Variants in CA13 observed in about 807,000 individuals in gnomAD.
CA13 encodes the protein carbonic anhydrase 13.
Under a neutral mutation model 31.5 loss-of-function variants are expected in CA13, and 21 were observed. The ratio of observed to expected loss-of-function variants is 0.67; its 90% CI spans 0.47 to 0.96. CA13 has a LOEUF of 0.96. CA13 is among the 40% of genes least tolerant of loss of function. CA13 has a pLI of 0.00. For synonymous variants in CA13, 117 were observed against 111.4 expected (o/e 1.05, Z -0.32); for missense variants, 315 against 318.9 (o/e 0.99, Z 0.09).
chr8:85,282,134 A>G lies in CA13; in HGVS notation c.*785A>G, dbSNP rs1042318589. 4 of 152,216 alleles carry G rather than the reference A, an allele frequency of 2.6e-5. No individual in the cohort carries two copies. The highest frequency in any genetic ancestry group is 9.6e-5 in the African/African-American group (4 of 41,464). The allele number at this position is 152,216 out of a possible 1,614,324, so 9.4% of individuals were successfully genotyped here. On this transcript the variant is annotated 3_prime_UTR_variant, in exon 7 of 7. Coordinates refer to ENST00000321764, the MANE Select transcript of CA13 (RefSeq NM_198584.3). ...TAAAAAGTAGATTACGTTTTCCTAT[A>G]AGGATAATTTTTGCAGTGATTATAT... is the stretch of plus-strand genomic sequence containing the variant.
At chr8:85,278,265 C>CA (rs1012685036) in intron 6 of CA13, among the ~76,000 whole-genome samples, 47,385 of 76,712 alleles carry the variant, frequency 0.62, 14,354 homozygotes, top group Non-Finnish European at 0.67. Context: ...GACTCTATCT[C>CA]AAAAAAAAAA....
At chr8:85,280,048 G>GA (rs1194982548) in intron 6 of CA13, among the ~76,000 whole-genome samples, 1 of 152,138 alleles carries the variant, frequency 6.6e-6, no homozygotes, top group Middle Eastern at 3.2e-3. Flanking sequence ...TTAGGAGGCT[G>GA]AGGAGGGCGG....
Position 85,268,601 on chromosome 8 carries a change from C to A in CA13, c.643C>A (p.Gln215Lys), listed in dbSNP as rs764271736. The change falls in exon 6 of 7, where the codon CAA becomes AAA. Residue 215 changes from glutamine to lysine, a missense_variant. By Grantham distance (53) the Gln-to-Lys change is moderately conservative (BLOSUM62 1). Coordinates refer to ENST00000321764, the MANE Select transcript of CA13 (RefSeq NM_198584.3). Reference sequence around the variant, plus strand: ...GAGTGTCACATGGATTGTTTTAAAGCAACCTATAAACATCAGCTCTCAACA... The same window carrying A: ...GAGTGTCACATGGATTGTTTTAAAGAAACCTATAAACATCAGCTCTCAACA... Reference protein sequence around the residue: ...LESVTWIVLKQPINISSQQLA... With the variant: ...LESVTWIVLKKPINISSQQLA... The A allele has an allele frequency of 6.2e-7, 1 of 1,613,490 alleles. No homozygotes were observed. The highest frequency in any genetic ancestry group is 8.5e-7 in the Non-Finnish European group (1 of 1,179,736).
chr8:85,256,869 G>C (rs1807306033), intron 2 of CA13, among the ~76,000 whole-genome samples: 5 of 152,152 alleles, frequency 3.3e-5, no homozygotes, highest in Non-Finnish European at 1.5e-5. Context: ...AAATAAGCCA[G>C]ATTTAATGAA....
intron 2 of CA13, among the ~76,000 whole-genome samples, chr8:85,254,785 T>G (rs1807261437): frequency 6.6e-6 from 1 of 151,230 alleles, no homozygotes; most frequent in African/African-American, 2.4e-5. Context: ...TTTTTTTTTT[T>G]TTTGGTTTTG....
chr8:85,258,022 T>C (rs1807325216), intron 2 of CA13, among the ~76,000 whole-genome samples: 1 of 148,148 alleles, frequency 6.8e-6, no homozygotes, highest in South Asian at 2.1e-4. Context: ...ATTAAATTTA[T>C]ATAAATATAA....
chr8:85,268,677 C>CTTTTT, intron 6 of CA13, 50 bp downstream of exon 6: 1 of 974,596 alleles, frequency 1.0e-6, no homozygotes, highest in Non-Finnish European at 1.4e-6. Flanking sequence ...GGAAACTGGG[C>CTTTTT]TTTTTTTTTT....
chr8:85,268,635 A>C lies in CA13; in HGVS notation c.669+8A>C, dbSNP rs1207992368. 1 of 1,610,006 alleles carries C rather than the reference A, an allele frequency of 6.2e-7. No homozygotes were observed. Among genetic ancestry groups the C allele is most frequent in the South Asian group, 1.1e-5 (1 of 90,792 alleles). On this transcript the variant is annotated splice_region_variant and intron_variant, in intron 6 of 6. Coordinates refer to ENST00000321764, the MANE Select transcript of CA13 (RefSeq NM_198584.3). ...AACATCAGCTCTCAACAGGTACATA[A>C]TCTCTTCCAGGTTGATACTGATTCC...
At chr8:85,259,564 T>A in intron 3 of CA13, 25 bp downstream of exon 3, 1 of 1,573,844 alleles carries the variant, frequency 6.4e-7, no homozygotes, top group Non-Finnish European at 8.7e-7. Context: ...ATATCTGTGA[T>A]TCACAGTTTT....
intron 6 of CA13, among the ~76,000 whole-genome samples, chr8:85,271,113 TA>T (rs1179354048): frequency 6.6e-6 from 1 of 152,190 alleles, no homozygotes. Flanking sequence ...GTGGTGGTTT[TA>T]AAAGTTAAAG....
At chr8:85,250,038 CA>C (rs1017576860) in intron 1 of CA13, among the ~76,000 whole-genome samples, 2 of 152,070 alleles carry the variant, frequency 1.3e-5, no homozygotes, top group African/African-American at 2.4e-5. Flanking sequence ...GTAACATTGG[CA>C]AAATAACCAT....
At position 85,245,748 on chromosome 8, in the gene CA13, C is replaced by A; in HGVS notation, c.-81C>A. The A allele has an allele frequency of 1.3e-6, 2 of 1,532,106 alleles. No homozygotes were observed. The highest frequency in any genetic ancestry group is 1.8e-6 in the Non-Finnish European group (2 of 1,107,230). 94.9% of individuals were successfully genotyped at this position (1,532,106 alleles called of 1,614,324 possible). A position where few individuals can be genotyped will look rare whatever the true frequency, so the allele number is the denominator to read the frequency against. On this transcript the variant is annotated 5_prime_UTR_variant, in exon 1 of 7. Transcript: ENST00000321764. Reference sequence around the variant, plus strand: ...CGCCCCGCGGTCCCGCCCTAGCAGGCTCCTTCCCGGGCCCCTCCCCGCTCC... The same window carrying A: ...CGCCCCGCGGTCCCGCCCTAGCAGGATCCTTCCCGGGCCCCTCCCCGCTCC...
At chr8:85,250,976 A>C in intron 2 of CA13, 39 bp downstream of exon 2, 13 of 1,424,080 alleles carry the variant, frequency 9.1e-6, no homozygotes, top group Non-Finnish European at 1.3e-5. Context: ...TGGTGGATGA[A>C]GGGTTTGAAT....
intron 1 of CA13, among the ~76,000 whole-genome samples, chr8:85,248,077 C>T (rs959141150): frequency 1.1e-4 from 17 of 152,288 alleles, no homozygotes; most frequent in African/African-American, 2.9e-4. Flanking sequence ...TTTAGTTTAG[C>T]GAATGTGACA....
chr8:85,279,662 C>T (rs1343196169), intron 6 of CA13, among the ~76,000 whole-genome samples: 1 of 152,106 alleles, frequency 6.6e-6, no homozygotes, highest in Non-Finnish European at 1.5e-5. Flanking sequence ...CCAACGTCTT[C>T]AGAAGAATCA....
intron 2 of CA13, among the ~76,000 whole-genome samples, chr8:85,255,248 A>G (rs1283038360): frequency 2.0e-5 from 3 of 149,942 alleles, no homozygotes; most frequent in Non-Finnish European, 1.5e-5. Flanking sequence ...GCACACTACC[A>G]TGCCTAGCTC....
intron 6 of CA13, among the ~76,000 whole-genome samples, chr8:85,274,775 A>G (rs1807577997): frequency 6.6e-6 from 1 of 152,068 alleles, no homozygotes; most frequent in African/African-American, 2.4e-5. Flanking sequence ...AACCCCATGA[A>G]CCATCCTCAG....
rs1411623889 is a variant in CA13, at chr8:85,250,876, AATC to A, written c.179_181del (p.Ile60del). 9 of 1,614,198 alleles carry A rather than the reference AATC, an allele frequency of 5.6e-6. No individual in the cohort carries two copies. Among genetic ancestry groups the A allele is most frequent in the Non-Finnish European group, 6.8e-6 (8 of 1,180,040 alleles). On this transcript the variant is annotated inframe_deletion, in exon 2 of 7. Coordinates refer to ENST00000321764, the MANE Select transcript of CA13 (RefSeq NM_198584.3). ...TCAAGTATGACCCAAGCTCAGCTAA[AATC>A]ATCAGCAACAGCGGCCATTCCTTCA...
At chr8:85,251,244 C>T (rs192326014) in intron 2 of CA13, among the ~76,000 whole-genome samples, 1,611 of 152,122 alleles carry the variant, frequency 0.011, 13 homozygotes, top group Non-Finnish European at 0.018. Flanking sequence ...CCTCGTGATC[C>T]GCCTGCCTCG....
Sources: gnomAD v4.1 joint callset for allele counts (sites outside exome capture counted in the v4.1 genomes callset) on GRCh38, gnomAD v4.1.1 for gene constraint, MANE v1.5 for transcripts, NCBI Gene and HGNC (gene_info 2026-07-23, HGNC 2026-07-21) for gene names.